Variants in ZFAT observed in about 807,000 individuals in gnomAD.
ZFAT encodes zinc finger protein ZFAT.
Under a neutral mutation model 117.7 loss-of-function variants are expected in ZFAT, and 64 were observed. The ratio of observed to expected loss-of-function variants is 0.54; its 90% confidence interval spans 0.44 to 0.67. The LOEUF is 0.67. Ranked by LOEUF, ZFAT falls within the 30% of genes least tolerant of loss-of-function variation. ZFAT has a pLI of 0.00. For synonymous variants in ZFAT, 679 were observed against 615.0 expected (o/e 1.10, Z -1.54); for missense variants, 1,433 against 1,584.5 (o/e 0.90, Z 1.62).
intron 2 of ZFAT, among the ~76,000 whole-genome samples, chr8:134,642,092 C>T (rs1586874977): frequency 6.6e-6 from 1 of 152,352 alleles, no homozygotes; most frequent in African/African-American, 2.4e-5. Context: ...ATGCAGCAAA[C>T]ACAACGTCCT....
the ZFAT span, among the ~76,000 whole-genome samples, chr8:134,783,254 C>T: frequency 3.9e-5 from 6 of 152,102 alleles, no homozygotes; most frequent in Non-Finnish European, 7.4e-5. Context: ...GTCCCCATCC[C>T]CTGGGCCGAG....
chr8:134,800,351 C>T, the ZFAT span, among the ~76,000 whole-genome samples: 1 of 152,164 alleles, frequency 6.6e-6, no homozygotes, highest in Admixed American at 6.5e-5. Context: ...TCTCTGCAAA[C>T]ATATTCAAGT....
Position 134,602,137 on chromosome 8 carries a change from C to T in ZFAT, c.1582G>A (p.Val528Met), listed in dbSNP as rs373592555. The change falls in exon 6 of 16, where the codon GTG becomes ATG. Residue 528 changes from valine to methionine, a missense_variant. Val to Met is a conservative substitution (Grantham distance 21). This residue lies in a region of ZFAT where 372 missense variants were observed against 355.6 expected (regional missense o/e 1.05). Coordinates refer to ENST00000377838, the MANE Select transcript of ZFAT (RefSeq NM_020863.4). ...LVEEEFALQG[V>M]NALKEEACPG... Reference sequence around the variant, plus strand: ...CAGGCCTCTTCCTTGAGTGCATTCACGCCCTGGAGGGCAAACTCCTCTTCC... The same window carrying T: ...CAGGCCTCTTCCTTGAGTGCATTCATGCCCTGGAGGGCAAACTCCTCTTCC... 142 of 1,612,916 alleles carry T rather than the reference C, an allele frequency of 8.8e-5. No individual in the cohort carries two copies. Among genetic ancestry groups the T allele is most frequent in the Non-Finnish European group, 1.1e-4 (130 of 1,179,808 alleles).
intron 1 of ZFAT, among the ~76,000 whole-genome samples, chr8:134,712,384 A>G (rs888647508): frequency 6.6e-6 from 1 of 152,206 alleles, no homozygotes; most frequent in African/African-American, 2.4e-5. Context: ...GTCAAGTGGA[A>G]GATCTGTCAC....
chr8:134,642,766 C>T (rs115699968), intron 2 of ZFAT, among the ~76,000 whole-genome samples: 1,718 of 152,334 alleles, frequency 0.011, 32 homozygotes, highest in African/African-American at 0.039. Flanking sequence ...CTAATCACAC[C>T]AACTCAAGAA....
At chr8:134,556,590 C>G (rs1458695399) in intron 11 of ZFAT, among the ~76,000 whole-genome samples, 1 of 151,962 alleles carries the variant, frequency 6.6e-6, no homozygotes, top group Admixed American at 6.5e-5. Flanking sequence ...GAAAAAGACT[C>G]ATTACACATA....
the ZFAT span, among the ~76,000 whole-genome samples, chr8:134,771,216 G>A: frequency 0.063 from 9,640 of 152,182 alleles, 525 homozygotes; most frequent in African/African-American, 0.14. Flanking sequence ...TGTCTCCCCC[G>A]GATGCCCAGC....
chr8:134,703,116 A>G (rs188764339), intron 1 of ZFAT, among the ~76,000 whole-genome samples: 121 of 152,300 alleles, frequency 7.9e-4, no homozygotes, highest in Middle Eastern at 3.4e-3. Flanking sequence ...TTGCATTCCT[A>G]CTAATGATGT....
At chr8:134,775,153 C>CA in the ZFAT span, among the ~76,000 whole-genome samples, 49 of 151,694 alleles carry the variant, frequency 3.2e-4, no homozygotes, top group African/African-American at 7.5e-4. Flanking sequence ...AACAGAAAAA[C>CA]AAAAAAAACA....
the ZFAT span, among the ~76,000 whole-genome samples, chr8:134,741,314 C>T: frequency 6.6e-6 from 1 of 152,082 alleles, no homozygotes; most frequent in African/African-American, 2.4e-5. Flanking sequence ...TCCAGTACTT[C>T]TCTGAAACTG....
intron 1 of ZFAT, among the ~76,000 whole-genome samples, chr8:134,692,842 AAC>A (rs1352946193): frequency 1.3e-5 from 2 of 152,324 alleles, no homozygotes; most frequent in African/African-American, 4.8e-5. Flanking sequence ...CTGATTCTGA[AAC>A]TATTTTTAGT....
chr8:134,752,272 C>T, the ZFAT span, among the ~76,000 whole-genome samples: 1 of 152,178 alleles, frequency 6.6e-6, no homozygotes, highest in Non-Finnish European at 1.5e-5. Flanking sequence ...CAAACACCAG[C>T]CTCTGTGGCC....
the ZFAT span, among the ~76,000 whole-genome samples, chr8:134,720,982 CA>C: frequency 1.3e-5 from 2 of 152,318 alleles, 1 homozygote; most frequent in East Asian, 3.9e-4. Flanking sequence ...GAACAGAGAA[CA>C]AAAGGGGCTG....
At chr8:134,549,207 C>A (rs1022603336) in intron 11 of ZFAT, among the ~76,000 whole-genome samples, 1 of 151,948 alleles carries the variant, frequency 6.6e-6, no homozygotes, top group African/African-American at 2.4e-5. Flanking sequence ...TTTGGGAGGC[C>A]GAGGCAGGCG....
At chr8:134,543,889 C>A (rs1309270345) in intron 11 of ZFAT, among the ~76,000 whole-genome samples, 1 of 152,126 alleles carries the variant, frequency 6.6e-6, no homozygotes, top group Non-Finnish European at 1.5e-5. Context: ...AAACAATGCC[C>A]CCTCTTATGC....
At chr8:134,585,793 A>C (rs1194402852) in intron 9 of ZFAT, among the ~76,000 whole-genome samples, 1 of 152,196 alleles carries the variant, frequency 6.6e-6, no homozygotes, top group Non-Finnish European at 1.5e-5. Context: ...ATTCTCCCCT[A>C]AGAGCCAGTG....
At chr8:134,718,821 A>C in the ZFAT span, among the ~76,000 whole-genome samples, 5 of 152,236 alleles carry the variant, frequency 3.3e-5, no homozygotes, top group Non-Finnish European at 7.3e-5. Context: ...TGTTCAGAAG[A>C]GAAAATAACT....
chr8:134,823,201 G>A, the ZFAT span, among the ~76,000 whole-genome samples: 1 of 152,156 alleles, frequency 6.6e-6, no homozygotes. Context: ...TTCACTGGGA[G>A]ACAGGACAAT....
the ZFAT span, chr8:134,792,723 C>G: frequency 6.6e-6 from 1 of 152,100 alleles, no homozygotes; most frequent in Non-Finnish European, 1.5e-5. Flanking sequence ...TTTTGTCAAG[C>G]CAAAGAGGTA....
Sources: allele counts gnomAD v4.1 joint callset (sites outside exome capture counted in the v4.1 genomes callset), GRCh38; gene constraint gnomAD v4.1.1; regional missense constraint gnomAD v4.1.1; transcripts MANE v1.5; gene names NCBI Gene and HGNC (gene_info 2026-07-23, HGNC 2026-07-21).